LRP1: variants seen among roughly 807,000 people sequenced by gnomAD.
LRP1 encodes LDL receptor related protein 1.
In LRP1, 51 loss-of-function variants were observed where a neutral mutation model predicts 541.5. The ratio of observed to expected loss-of-function variants is 0.09; its 90% CI spans 0.08 to 0.12. LRP1 has a LOEUF of 0.12. Ranked by LOEUF, LRP1 falls within the 10% of genes least tolerant of loss-of-function variation. The pLI is 1.00. For synonymous variants in LRP1, 2,219 were observed against 2,470.8 expected (o/e 0.90, Z 3.02); for missense variants, 3,878 against 6,376.2 (o/e 0.61, Z 13.34).
rs556690202 is a variant in LRP1, at chr12:57,167,065, G to T, written c.2914+19G>T. The T allele has an allele frequency of 1.9e-6, 3 of 1,603,930 alleles. No homozygotes were observed. The African/African-American group carries it at 4.0e-5, about 21-fold the overall frequency. ...TCGTGTGGTAAGAGGGATGGGCAGA[G>T]GGAGTCAGGCTGGGCCTGGGGGAGG... is the stretch of plus-strand genomic sequence containing the variant. On this transcript the variant is annotated intron_variant, in intron 18 of 88. Transcript: ENST00000243077.
intron 18 of LRP1, 132 bp from the exon 19 acceptor site, chr12:57,167,312 C>G (rs563549818): frequency 4.2e-6 from 3 of 720,094 alleles, no homozygotes; most frequent in Admixed American, 4.2e-5. Context: ...GGCACTGCTG[C>G]GGGGCCTTCC....
rs1320845570 is a variant in LRP1 at position 57,178,939 on chromosome 12, G to A, written c.4656G>A (p.Leu1552=). 1 of 1,614,008 alleles carries A rather than the reference G, an allele frequency of 6.2e-7. No individual in the cohort carries two copies. The highest frequency in any genetic ancestry group is 8.5e-7 in the Non-Finnish European group (1 of 1,179,984). Residue 1552 remains leucine (L), a synonymous_variant, in exon 28 of 89, where the codon CTG becomes CTA. Transcript: ENST00000243077. The surrounding 1 kb of genome is among the most constrained non-coding windows in gnomAD (Gnocchi z 5.8). ...ANGGQGPCSH[L]CLINYNRTVS... ...GGGGCCAGGGCCCCTGCTCCCACCT[G>A]TGTCTCATCAACTACAACCGGACCG... is the stretch of plus-strand genomic sequence containing the variant.
Position 57,203,504 on chromosome 12 carries a change from A to G in LRP1, c.10934A>G (p.Glu3645Gly). ...DADCMDGSDE[E>G]ACGTGVRTCP... ...GACTGCATGGACGGCAGCGACGAGG[A>G]GGCCTGCGGCACTGGCGGTGCGCCC... Residue 3645 changes from glutamate (E) to glycine (G), a missense_variant, in exon 70 of 89, where the codon GAG (glutamate) becomes GGG (glycine). Physicochemically the swap from Glu to Gly is moderately conservative, Grantham distance 98 (BLOSUM62 -2). Coordinates refer to ENST00000243077, the MANE Select transcript of LRP1 (RefSeq NM_002332.3). The G allele has an allele frequency of 1.3e-6, 2 of 1,551,706 alleles. No homozygotes were observed. The highest frequency in any genetic ancestry group is 1.7e-6 in the Non-Finnish European group (2 of 1,146,028).
intron 59 of LRP1, 26 bp downstream of exon 59, chr12:57,198,369 A>T (rs1313733256): frequency 5.0e-6 from 8 of 1,606,094 alleles, no homozygotes; most frequent in Non-Finnish European, 6.8e-6. Flanking sequence ...GGGTTGGGGG[A>T]GCCCCTGAAA....
At chr12:57,140,537 A>G (rs922790553) in intron 2 of LRP1, among the ~76,000 whole-genome samples, 5 of 152,182 alleles carry the variant, frequency 3.3e-5, no homozygotes, top group Non-Finnish European at 7.3e-5. Context: ...TTATACTTAC[A>G]GTTTGAACTT....
intron 76 of LRP1, among the ~76,000 whole-genome samples, chr12:57,207,361 G>T (rs191990412): frequency 6.4e-4 from 94 of 146,648 alleles, no homozygotes; most frequent in African/African-American, 2.2e-3. Flanking sequence ...TTAGCCAGGC[G>T]TGGTGGCGGG....
In LRP1 at chr12:57,199,347, C is replaced by T. The variant is rs149120364; in HGVS notation, c.9812C>T (p.Thr3271Met). The T allele has an allele frequency of 2.2e-5, 36 of 1,613,178 alleles. No homozygotes were observed. In the African/African-American group the frequency reaches 2.5e-4, roughly 11 times the overall value. The change falls in exon 61 of 89, where the codon ACG (threonine) becomes ATG (methionine). Residue 3271 changes from threonine to methionine, a missense_variant. This residue lies in a region of LRP1 where 1,100 missense variants were observed against 1,827.4 expected (regional missense o/e 0.60). Coordinates refer to ENST00000243077, the MANE Select transcript of LRP1 (RefSeq NM_002332.3). ...ACCAACAAAACGCTCCTCATCAGCA[C>T]GCTGCACCGGCCCATGGACCTGCAT... ...TGTNKTLLIS[T>M]LHRPMDLHVF... is the part of the protein sequence containing the mutation.
At chr12:57,151,422 C>G (rs1286932156) in intron 6 of LRP1, among the ~76,000 whole-genome samples, 1 of 152,234 alleles carries the variant, frequency 6.6e-6, no homozygotes, top group Non-Finnish European at 1.5e-5. Flanking sequence ...TAGACCACCC[C>G]CAACTCCTTC....
intron 1 of LRP1, 152 bp from the exon 2 acceptor site, chr12:57,138,307 C>A: frequency 1.1e-6 from 1 of 917,202 alleles, no homozygotes; most frequent in Non-Finnish European, 1.7e-6. Flanking sequence ...CCAAAGCCAC[C>A]CCCTGACACC....
intron 8 of LRP1, chr12:57,155,213 T>G (rs2035596101): frequency 9.0e-6 from 2 of 222,070 alleles, no homozygotes; most frequent in East Asian, 2.3e-4. Context: ...TACCTTTGTC[T>G]TAGGCAAACT....
In LRP1 at chr12:57,204,824, C is replaced by T; in HGVS notation, c.11194+75C>T. The T allele has an allele frequency of 1.3e-6, 2 of 1,590,236 alleles. No individual in the cohort carries two copies. The highest frequency in any genetic ancestry group is 4.5e-5 in the East Asian group (2 of 44,388). On this transcript the variant is annotated intron_variant, in intron 72 of 88. Coordinates refer to ENST00000243077, the MANE Select transcript of LRP1 (RefSeq NM_002332.3). The surrounding 1 kb of genome is among the most constrained non-coding windows in gnomAD (Gnocchi z 5.3). ...GGGGTGAGTCTGGTCCTCGTGGGAGCTGCACTGGGGTTAGGGTTAACCAGG... is the reference window on the plus strand; with the variant it reads ...GGGGTGAGTCTGGTCCTCGTGGGAGTTGCACTGGGGTTAGGGTTAACCAGG...
At chr12:57,210,619 GTC>G (rs2036890151) in intron 82 of LRP1, 97 bp from the exon 83 acceptor site, 1 of 1,476,656 alleles carries the variant, frequency 6.8e-7, no homozygotes, top group Non-Finnish European at 9.2e-7. Flanking sequence ...AGTCACTCCA[GTC>G]TCTGCTTCTC....
chr12:57,184,912 G>A lies in LRP1; in HGVS notation c.6260G>A (p.Arg2087His), dbSNP rs773682342. 1.9e-6 allele frequency: 3 copies of A among 1,614,018 alleles called. No individual in the cohort carries two copies. The highest frequency in any genetic ancestry group is 2.5e-6 in the Non-Finnish European group (3 of 1,179,976). The change falls in exon 39 of 89, where the codon CGC (arginine) becomes CAC (histidine). Residue 2087 changes from arginine to histidine, a missense_variant. Around this residue, in one of 13 missense-constraint regions of LRP1, gnomAD observed 1,100 missense variants for 1,827.4 expected, o/e 0.60. Coordinates refer to ENST00000243077, the MANE Select transcript of LRP1 (RefSeq NM_002332.3). The surrounding 1 kb of genome is among the most constrained non-coding windows in gnomAD (Gnocchi z 7.8). ...ATCGACCTGGAGACAGGTGAGAACC[G>A]CGAGGTGGTTCTGTCCAGCAACAAC... ...ERIDLETGEN[R>H]EVVLSSNNMD...
rs959478803 is a variant in LRP1 at position 57,156,426 on chromosome 12, C to T, written c.1417+143C>T. The T allele has an allele frequency of 1.4e-5, 12 of 885,650 alleles. No individual in the cohort carries two copies. The highest frequency in any genetic ancestry group is 7.0e-4 in the Middle Eastern group (2 of 2,846). 54.9% of individuals were successfully genotyped at this position (885,650 alleles called of 1,614,324 possible). A position where few individuals can be genotyped will look rare whatever the true frequency, so the allele number is the denominator to read the frequency against. On this transcript the variant is annotated intron_variant, in intron 9 of 88. Transcript: ENST00000243077. The surrounding 1 kb of genome is among the most constrained non-coding windows in gnomAD (Gnocchi z 5.2). ...TGACCGATTCTCCTAGCCAGCCACTCGGGCTACCTGCCCTGGCCCCTCAGC... is the reference window on the plus strand; with the variant it reads ...TGACCGATTCTCCTAGCCAGCCACTTGGGCTACCTGCCCTGGCCCCTCAGC...
chr12:57,156,382 C>A lies in LRP1; in HGVS notation c.1417+99C>A. 8.0e-7 allele frequency: 1 copy of A among 1,253,528 alleles called. No homozygotes were observed. Among genetic ancestry groups the A allele is most frequent in the Non-Finnish European group, 1.1e-6 (1 of 916,038 alleles). The allele number at this position is 1,253,528 out of a possible 1,614,324, so 77.7% of individuals were successfully genotyped here. A position where few individuals can be genotyped will look rare whatever the true frequency, so the allele number is the denominator to read the frequency against. On this transcript the variant is annotated intron_variant, in intron 9 of 88. Transcript: ENST00000243077. This position sits in a 1 kb window ranked among gnomAD's most constrained non-coding sequence, Gnocchi z 5.2. ...CCTCTCTGGGCCCTCCTGTGGGGACCCTGGCTTCTTTCATGTCATGACCGA... is the reference window on the plus strand; with the variant it reads ...CCTCTCTGGGCCCTCCTGTGGGGACACTGGCTTCTTTCATGTCATGACCGA...
chr12:57,202,275 C>T (rs2036672561), intron 67 of LRP1, 146 bp from the exon 68 acceptor site: 1 of 724,950 alleles, frequency 1.4e-6, no homozygotes, highest in East Asian at 2.5e-5. Flanking sequence ...CCCCACGTCT[C>T]AAAACACCGC....
chr12:57,210,223 T>C, intron 81 of LRP1, 54 bp downstream of exon 81: 1 of 1,552,222 alleles, frequency 6.4e-7, no homozygotes, highest in Non-Finnish European at 8.7e-7. Context: ...CTCCTTCCTG[T>C]GGCTCCTGAC....
rs753213617 is a variant in LRP1, at chr12:57,196,984, C to T, written c.8895C>T (p.Cys2965=). Residue 2965 remains cysteine (C), a splice_region_variant and synonymous_variant, in exon 56 of 89, where the codon TGC becomes TGT. Coordinates refer to ENST00000243077, the MANE Select transcript of LRP1 (RefSeq NM_002332.3). ...CCCAAGGCTCCCTGTGCCTGCAGTG[C>T]CGCTGTCGCCCTGGCTTCCGGCTGA... The part of the protein sequence containing the change: ...DCEDLKIGFK[C]RCRPGFRLKD... 1 of 1,608,828 alleles carries T rather than the reference C, an allele frequency of 6.2e-7. No homozygotes were observed. Among genetic ancestry groups the T allele is most frequent in the South Asian group, 1.1e-5 (1 of 90,804 alleles).
At position 57,196,125 on chromosome 12, in the gene LRP1, A is replaced by C; in HGVS notation, c.8740A>C (p.Ser2914Arg). Residue 2914 changes from serine (S) to arginine (R), a missense_variant, in exon 55 of 89, where the codon AGT (serine) becomes CGT (arginine). By Grantham distance (110) the Ser-to-Arg change is moderately radical. Around this residue, in one of 13 missense-constraint regions of LRP1, gnomAD observed 1,100 missense variants for 1,827.4 expected, o/e 0.60. Transcript: ENST00000243077. ...TGCCTCGTCACAGTTCCTGTGCAGC[A>C]GTGGGCGCTGTGTGGCTGAGGCACT... is the stretch of plus-strand genomic sequence containing the variant. ...CNASSQFLCSSGRCVAEALLC... is the reference protein window; with the variant it reads ...CNASSQFLCSRGRCVAEALLC... 1 of 1,609,418 alleles carries C rather than the reference A, an allele frequency of 6.2e-7. No individual in the cohort carries two copies.
Sources: gnomAD v4.1 joint callset for allele counts (sites outside exome capture counted in the v4.1 genomes callset) on GRCh38, gnomAD v4.1.1 for gene constraint, gnomAD v4.1.1 regional missense constraint, Gnocchi (gnomAD v3.1) non-coding constraint, MANE v1.5 for transcripts, NCBI Gene and HGNC (gene_info 2026-07-23, HGNC 2026-07-21) for gene names.